Variants in GABPB1 observed in about 807,000 individuals in gnomAD.
GABPB1 encodes GA binding protein transcription factor subunit beta 1.
A neutral mutation model predicts 45.9 loss-of-function variants in GABPB1; 15 were observed. The observed-to-expected ratio is 0.33, with a 90% CI of 0.22 to 0.50. GABPB1 has a LOEUF of 0.50. Among genes scored for constraint, GABPB1 ranks in the 20% least tolerant of loss-of-function variants. The pLI is 0.98. For missense variants in GABPB1, 252 were observed against 457.5 expected (o/e 0.55, Z 4.10); for synonymous variants, 143 against 154.4 (o/e 0.93, Z 0.55).
intron 1 of GABPB1, among the ~76,000 whole-genome samples, chr15:50,338,978 T>C (rs1274131937): frequency 6.6e-6 from 1 of 151,826 alleles, no homozygotes; most frequent in Non-Finnish European, 1.5e-5. Flanking sequence ...CTAGCCAACA[T>C]AGTGAAACCC....
intron 1 of GABPB1, among the ~76,000 whole-genome samples, chr15:50,337,102 T>C (rs1232045101): frequency 9.7e-4 from 7 of 7,240 alleles, no homozygotes; most frequent in Non-Finnish European, 1.5e-3. Context: ...TATATATATA[T>C]ATATATATAT....
chr15:50,330,433 T>C (rs1009338535), intron 1 of GABPB1, among the ~76,000 whole-genome samples: 2 of 152,222 alleles, frequency 1.3e-5, no homozygotes, highest in Non-Finnish European at 2.9e-5. Flanking sequence ...CCTTGCAATT[T>C]GAGTCCCTCT....
chr15:50,285,844 T>G (rs555717416), intron 8 of GABPB1: 1 of 1,318,088 alleles, frequency 7.6e-7, no homozygotes, highest in South Asian at 2.3e-5. Flanking sequence ...GTTATCAAGA[T>G]GACAGACTGT....
intron 1 of GABPB1, among the ~76,000 whole-genome samples, chr15:50,317,939 C>T (rs535780247): frequency 6.6e-6 from 1 of 151,440 alleles, no homozygotes; most frequent in South Asian, 2.1e-4. Context: ...TTATTGAAAG[C>T]ATTTTTCATA....
intron 6 of GABPB1, among the ~76,000 whole-genome samples, chr15:50,299,754 A>G (rs8042053): frequency 0.19 from 28,758 of 152,142 alleles, 2,935 homozygotes; most frequent in African/African-American, 0.24. Context: ...ATCAGTCATT[A>G]AGATTTTATA....
At chr15:50,352,804 A>C (rs1363189644) in intron 1 of GABPB1, 3 of 152,266 alleles carry the variant, frequency 2.0e-5, no homozygotes, top group African/African-American at 7.2e-5. Flanking sequence ...TCACAGAAAC[A>C]ACTGGAAACA....
chr15:50,306,811 C>T (rs914672992), intron 2 of GABPB1, among the ~76,000 whole-genome samples: 1 of 151,888 alleles, frequency 6.6e-6, no homozygotes, highest in African/African-American at 2.4e-5. Flanking sequence ...CAGAATTATA[C>T]TGCATGTATT....
chr15:50,280,280 G>A (rs35033384), intron 8 of GABPB1, among the ~76,000 whole-genome samples: 25,869 of 152,062 alleles, frequency 0.17, 2,392 homozygotes, highest in African/African-American at 0.22. Context: ...GAACAAGTCA[G>A]AAAAGACAAC....
intron 1 of GABPB1, among the ~76,000 whole-genome samples, chr15:50,313,156 A>G (rs142123339): frequency 1.3e-5 from 2 of 152,310 alleles, no homozygotes; most frequent in African/African-American, 4.8e-5. Flanking sequence ...GGTCTGACTC[A>G]AAATGAAAAG....
At position 50,286,316 on chromosome 15, in the gene GABPB1, T is replaced by G. The variant is rs893913562; in HGVS notation, c.884-133A>C. On this transcript the variant is annotated intron_variant, in intron 7 of 8. Transcript: ENST00000380877. The stretch of plus-strand genomic sequence containing the variant: ...AAAACAATAATTCCAAATCATTGAT[T>G]TGCTTTTTATGAGACTATCCATATT... The G allele has an allele frequency of 6.5e-6, 4 of 613,832 alleles. No homozygotes were observed. In the African/African-American group the frequency reaches 7.6e-5, roughly 12 times the overall value. The allele number at this position is 613,832 out of a possible 1,614,324, so 38.0% of individuals were successfully genotyped here. A position where few individuals can be genotyped will look rare whatever the true frequency, so the allele number is the denominator to read the frequency against.
chr15:50,323,861 G>C (rs985001017), intron 1 of GABPB1, among the ~76,000 whole-genome samples: 1 of 152,140 alleles, frequency 6.6e-6, no homozygotes, highest in African/African-American at 2.4e-5. Flanking sequence ...AACAGAGTCA[G>C]ATCCTGTCAT....
chr15:50,314,569 T>A (rs947556561), intron 1 of GABPB1: 2 of 152,238 alleles, frequency 1.3e-5, no homozygotes, highest in Non-Finnish European at 2.9e-5. Context: ...GCCCTTTGTA[T>A]GTTTATAGAG....
intron 8 of GABPB1, 67 bp from the exon 9 acceptor site, chr15:50,278,851 GCATC>G: frequency 8.1e-7 from 1 of 1,234,872 alleles, no homozygotes; most frequent in South Asian, 1.6e-5. Flanking sequence ...ATATAAGCAT[GCATC>G]CTTCAAATTA....
chr15:50,285,877 T>C (rs1454620239), intron 8 of GABPB1, 191 bp downstream of exon 8: 2 of 1,356,786 alleles, frequency 1.5e-6, no homozygotes, highest in Non-Finnish European at 1.9e-6. Context: ...CTTCACTCAC[T>C]CATTCATTCA....
At chr15:50,329,305 G>T (rs529683919) in intron 1 of GABPB1, among the ~76,000 whole-genome samples, 12 of 152,280 alleles carry the variant, frequency 7.9e-5, no homozygotes, top group Middle Eastern at 3.4e-3. Flanking sequence ...ATTAAGAAAT[G>T]TATATTATAA....
intron 4 of GABPB1, 138 bp from the exon 5 acceptor site, chr15:50,301,506 G>T: frequency 1.3e-6 from 1 of 789,824 alleles, no homozygotes; most frequent in Non-Finnish European, 2.0e-6. Context: ...TTTGTCTAAG[G>T]TCCACTGACA....
At position 50,318,540 on chromosome 15, in the gene GABPB1, A is replaced by T. The variant is rs1417110544; in HGVS notation, c.1-8742T>A. On this transcript the variant is annotated intron_variant, in intron 1 of 8. Coordinates refer to ENST00000380877, the MANE Select transcript of GABPB1 (RefSeq NM_016654.5). ...TCCACCAAAACCAAAAGTAAACTAG[A>T]AAGAATAATCAAGGGCTTCAGGAAA... Among the ~76,000 whole-genome samples the T allele has an allele frequency of 6.8e-5, 9 of 131,666 alleles. No individual in the cohort carries two copies. The South Asian group carries it at 1.0e-3, about 15-fold the overall frequency. The allele number at this position is 131,666 out of a possible 152,430, so 86.4% of individuals were successfully genotyped here.
intron 7 of GABPB1, 74 bp downstream of exon 7, chr15:50,289,409 G>A: frequency 1.1e-6 from 1 of 897,086 alleles, no homozygotes; most frequent in Non-Finnish European, 1.6e-6. Context: ...TTTTTGGACT[G>A]CAGGGAAGAC....
rs551030626 is a variant in GABPB1 at position 50,309,623 on chromosome 15, C to A, written c.108+68G>T. On this transcript the variant is annotated intron_variant, in intron 2 of 8. Coordinates refer to ENST00000380877, the MANE Select transcript of GABPB1 (RefSeq NM_016654.5). Reference sequence around the variant, plus strand: ...CCACTTATAAACACAATACTGACTACATTTTTCTCTGCAAAAACTCAAAAA... The same window carrying A: ...CCACTTATAAACACAATACTGACTAAATTTTTCTCTGCAAAAACTCAAAAA... 9.6e-6 allele frequency: 9 copies of A among 933,608 alleles called. No homozygotes were observed. In the African/African-American group the frequency reaches 1.3e-4, roughly 14 times the overall value. The allele number at this position is 933,608 out of a possible 1,614,324, so 57.8% of individuals were successfully genotyped here.
Sources: gnomAD v4.1 joint callset for allele counts (sites outside exome capture counted in the v4.1 genomes callset) on GRCh38, gnomAD v4.1.1 for gene constraint, MANE v1.5 for transcripts, NCBI Gene and HGNC (gene_info 2026-07-23, HGNC 2026-07-21) for gene names.